Variants in PCDH15 observed in about 807,000 individuals in gnomAD.
PCDH15 encodes protocadherin-15.
PCDH15 carries 129 observed loss-of-function variants against 178.5 expected under a neutral mutation model. The ratio of observed to expected loss-of-function variants is 0.72; its 90% CI spans 0.63 to 0.84. The LOEUF (loss-of-function observed/expected upper bound fraction) is 0.84. Ranked by LOEUF, PCDH15 falls within the 40% of genes least tolerant of loss-of-function variation. The pLI is 0.00. For synonymous variants in PCDH15, 800 were observed against 732.0 expected, an observed-to-expected ratio of 1.09 and a Z score of -1.50; for missense variants, 2,230 against 2,099.9, an observed-to-expected ratio of 1.06 and a Z score of -1.21.
intron 2 of PCDH15, among the ~76,000 whole-genome samples, chr10:55,069,061 CT>C (rs1253474533): frequency 1.5e-5 from 1 of 66,534 alleles, no homozygotes; most frequent in African/African-American, 6.5e-5. Context: ...CCATGTCCAG[CT>C]ATTTTTTTTT....
At chr10:54,524,627 T>C (rs1426422087) in intron 3 of PCDH15, among the ~76,000 whole-genome samples, 1 of 152,208 alleles carries the variant, frequency 6.6e-6, no homozygotes. Flanking sequence ...CTAGAAAATA[T>C]CTGTTCAGAA....
chr10:54,600,628 A>C (rs2092478181), intron 2 of PCDH15: 1 of 581,158 alleles, frequency 1.7e-6, no homozygotes, highest in African/African-American at 1.9e-5. Flanking sequence ...TCTACTAAAA[A>C]GGTAGAAAAT....
chr10:55,034,594 C>G (rs1046855809), intron 2 of PCDH15, among the ~76,000 whole-genome samples: 1 of 151,946 alleles, frequency 6.6e-6, no homozygotes, highest in Non-Finnish European at 1.5e-5. Context: ...ACTGGAGATA[C>G]AAAACATGAA....
intron 3 of PCDH15, among the ~76,000 whole-genome samples, chr10:54,414,966 TG>T (rs1289438509): frequency 6.6e-6 from 1 of 152,060 alleles, no homozygotes; most frequent in Non-Finnish European, 1.5e-5. Context: ...GAAAAAAAAT[TG>T]GTAAGTATTT....
At chr10:54,359,403 G>A (rs1293193585) in intron 5 of PCDH15, among the ~76,000 whole-genome samples, 1 of 151,336 alleles carries the variant, frequency 6.6e-6, no homozygotes, top group Admixed American at 6.6e-5. Flanking sequence ...ACTGTATATG[G>A]GACATATGAG....
At chr10:54,961,771 T>C (rs1413945235) in intron 2 of PCDH15, among the ~76,000 whole-genome samples, 1 of 152,110 alleles carries the variant, frequency 6.6e-6, no homozygotes, top group Non-Finnish European at 1.5e-5. Flanking sequence ...TCACTTTCGG[T>C]CTCCTCTACT....
At chr10:54,986,432 C>A (rs1839366040) in intron 2 of PCDH15, among the ~76,000 whole-genome samples, 1 of 152,012 alleles carries the variant, frequency 6.6e-6, no homozygotes, top group Admixed American at 6.6e-5. Flanking sequence ...TGATTTTGTA[C>A]TTTTCTCTAC....
intron 2 of PCDH15, among the ~76,000 whole-genome samples, chr10:54,899,643 C>T (rs981927074): frequency 2.0e-5 from 3 of 151,888 alleles, no homozygotes; most frequent in Admixed American, 2.0e-4. Flanking sequence ...ACTACAGGTG[C>T]CCACCACCAG....
intron 2 of PCDH15, chr10:54,607,774 C>T: frequency 2.3e-6 from 1 of 439,520 alleles, no homozygotes; most frequent in Non-Finnish European, 4.5e-6. Context: ...AAGGCTTTTA[C>T]TGTCTACTAC....
intron 21 of PCDH15, among the ~76,000 whole-genome samples, chr10:53,962,452 C>A (rs185813435): frequency 5.6e-4 from 86 of 152,284 alleles, no homozygotes; most frequent in African/African-American, 1.9e-3. Context: ...ACCATCTACA[C>A]TGTGTTGATT....
intron 2 of PCDH15, among the ~76,000 whole-genome samples, chr10:55,581,172 G>T (rs937735802): frequency 3.3e-5 from 5 of 152,068 alleles, no homozygotes; most frequent in Non-Finnish European, 5.9e-5. Flanking sequence ...TTTTAGGAAA[G>T]TAAACATACA....
chr10:53,995,729 T>C lies in PCDH15; in HGVS notation c.2788A>G (p.Ile930Val). 6.2e-7 allele frequency: 1 copy of C among 1,613,888 alleles called. No individual in the cohort carries two copies. ...TCCGGAGCCACCATCCCTTTGTATA[T>C]TCGTTTACTAAAGACAGGAGGATAA... is the stretch of plus-strand genomic sequence containing the variant. The part of the protein sequence containing the change: ...NDYPPVFSKR[I>V]YKGMVAPDAV... Residue 930 changes from isoleucine to valine, a missense_variant, in exon 21 of 38, where the codon ATA becomes GTA. Transcript: ENST00000644397.
chr10:54,616,371 AC>A (rs2093154632), intron 2 of PCDH15, among the ~76,000 whole-genome samples: 1 of 152,122 alleles, frequency 6.6e-6, no homozygotes, highest in South Asian at 2.1e-4. Context: ...CAGATGAGGA[AC>A]TTTTAAATCA....
At chr10:53,910,361 C>T (rs539512479) in intron 25 of PCDH15, among the ~76,000 whole-genome samples, 1 of 152,154 alleles carries the variant, frequency 6.6e-6, no homozygotes, top group South Asian at 2.1e-4. Context: ...TGGTAACACC[C>T]AGGCAAACAG....
At position 55,110,435 on chromosome 10, in the gene PCDH15, A is replaced by G. The variant is rs114258446; in HGVS notation, c.-80+56141T>C. Among the ~76,000 whole-genome samples the G allele has an allele frequency of 8.2e-3, 1,248 of 152,228 alleles. 14 individuals are homozygous for G. The highest frequency in any genetic ancestry group is 0.027 in the African/African-American group (1,127 of 41,564). On this transcript the variant is annotated intron_variant, in intron 2 of 5. Transcript: ENST00000458638. ...GTCGTTTAAAAAGCCGCATTGTATTAGTGCATGTTTACCAGAATTAAGTCT... is the reference window on the plus strand; with the variant it reads ...GTCGTTTAAAAAGCCGCATTGTATTGGTGCATGTTTACCAGAATTAAGTCT...
chr10:54,192,154 A>AAAAGAAAG (rs141596947), intron 11 of PCDH15, among the ~76,000 whole-genome samples: 564 of 132,512 alleles, frequency 4.3e-3, no homozygotes, highest in African/African-American at 6.0e-3. Flanking sequence ...GAAAGAAAGA[A>AAAAGAAAG]AAAGAAAGAA....
At position 54,800,009 on chromosome 10, in the gene PCDH15, C is replaced by A. The variant is rs1274686286; in HGVS notation, c.-29+916G>T. On this transcript the variant is annotated intron_variant, in intron 1 of 37. Coordinates refer to ENST00000644397, the MANE Select transcript of PCDH15 (RefSeq NM_001384140.1). ...ACATAATAACTTAAGTATTTGGTTA[C>A]TAGATTTGACAATTGGCTCTTTTGT... Among the ~76,000 whole-genome samples, 4 of 152,168 alleles carry A rather than the reference C, an allele frequency of 2.6e-5. No homozygotes were observed. In the East Asian group the frequency reaches 7.8e-4, roughly 30 times the overall value.
At chr10:54,153,555 T>C (rs2044782210) in intron 13 of PCDH15, among the ~76,000 whole-genome samples, 2 of 152,198 alleles carry the variant, frequency 1.3e-5, no homozygotes, top group African/African-American at 4.8e-5. Flanking sequence ...TGAAGGCTTA[T>C]CTTTATTTTA....
chr10:54,849,871 G>T (rs1325569939), intron 3 of PCDH15, among the ~76,000 whole-genome samples: 1 of 152,066 alleles, frequency 6.6e-6, no homozygotes, highest in Non-Finnish European at 1.5e-5. Context: ...GAACCGATTT[G>T]TGGTTTTCAG....
Sources: gnomAD v4.1 joint callset for allele counts (sites outside exome capture counted in the v4.1 genomes callset) on GRCh38, gnomAD v4.1.1 for gene constraint, MANE v1.5 for transcripts, NCBI Gene and HGNC (gene_info 2026-07-23, HGNC 2026-07-21) for gene names.